Variants in WDR72 observed in about 807,000 individuals in gnomAD.
The protein encoded by WDR72 is WD repeat-containing protein 72.
In WDR72, 120 loss-of-function variants were observed where a neutral mutation model predicts 124.2. That is an observed-to-expected ratio of 0.97 (90% CI 0.83 to 1.12). WDR72 has a LOEUF of 1.12. Ranked by LOEUF, WDR72 falls within the 50% of genes most tolerant of loss-of-function variation. The pLI is 0.00. For synonymous variants in WDR72, 452 were observed against 441.7 expected, an observed-to-expected ratio of 1.02 and a Z score of -0.29; for missense variants, 1,387 against 1,278.8, an observed-to-expected ratio of 1.08 and a Z score of -1.29.
chr15:53,559,196 A>T (rs1894041415), intron 18 of WDR72, among the ~76,000 whole-genome samples: 1 of 151,340 alleles, frequency 6.6e-6, no homozygotes, highest in African/African-American at 2.4e-5. Context: ...GGAAACATGG[A>T]TTTTGCTACT....
At chr15:53,618,282 T>C (rs2013849235) in intron 14 of WDR72, among the ~76,000 whole-genome samples, 1 of 151,994 alleles carries the variant, frequency 6.6e-6, no homozygotes, top group African/African-American at 2.4e-5. Flanking sequence ...TTTTTGCATG[T>C]TTGCCAAACT....
chr15:53,679,306 G>A (rs796674930), intron 13 of WDR72, among the ~76,000 whole-genome samples: 6 of 152,218 alleles, frequency 3.9e-5, no homozygotes, highest in African/African-American at 1.4e-4. Flanking sequence ...AGCTTAAAAT[G>A]GTAAATTCTA....
chr15:53,626,747 C>T (rs1190478310), intron 14 of WDR72, among the ~76,000 whole-genome samples: 3 of 152,108 alleles, frequency 2.0e-5, no homozygotes, highest in Non-Finnish European at 4.4e-5. Context: ...TCTGATTGGT[C>T]GGGTGTGAGC....
At chr15:53,540,666 C>T (rs544175111) in intron 18 of WDR72, among the ~76,000 whole-genome samples, 1 of 151,996 alleles carries the variant, frequency 6.6e-6, no homozygotes, top group Admixed American at 6.6e-5. Context: ...ACGAACAGCT[C>T]CGGTCTACAG....
At chr15:53,727,774 T>G (rs2018084913) in intron 2 of WDR72, among the ~76,000 whole-genome samples, 1 of 152,220 alleles carries the variant, frequency 6.6e-6, no homozygotes, top group Non-Finnish European at 1.5e-5. Flanking sequence ...AAGTCCTCAT[T>G]CTATTACTAA....
chr15:53,706,342 G>GTGTGTATATATATATATATATATATA (rs1281985139), intron 9 of WDR72, among the ~76,000 whole-genome samples: 1 of 45,586 alleles, frequency 2.2e-5, no homozygotes, highest in African/African-American at 9.9e-5. Context: ...GTGTGTGTGT[G>GTGTGTATATATATATATATATATATA]TGTGTGTGTA....
chr15:53,714,181 C>CCG (rs2017636648), intron 6 of WDR72, among the ~76,000 whole-genome samples: 1 of 150,334 alleles, frequency 6.7e-6, no homozygotes, highest in Non-Finnish European at 1.5e-5. Flanking sequence ...TGTAATCTTT[C>CCG]TGTGTGTGTG....
intron 18 of WDR72, among the ~76,000 whole-genome samples, chr15:53,554,837 G>T (rs567819928): frequency 6.6e-6 from 1 of 152,178 alleles, no homozygotes; most frequent in East Asian, 1.9e-4. Flanking sequence ...TAGAATATAT[G>T]TAGTTTTGTG....
chr15:53,664,573 T>C (rs552255522), intron 14 of WDR72, among the ~76,000 whole-genome samples: 18 of 152,238 alleles, frequency 1.2e-4, no homozygotes, highest in East Asian at 7.7e-4. Context: ...TAAGTCCTTA[T>C]TAATAGTATA....
chr15:53,710,779 T>G, intron 9 of WDR72, 78 bp downstream of exon 9: 1 of 1,216,746 alleles, frequency 8.2e-7, no homozygotes, highest in Non-Finnish European at 1.2e-6. Context: ...CAAGCCTGAT[T>G]CTGTGACAGA....
chr15:53,741,299 A>G (rs1170539772), intron 1 of WDR72, among the ~76,000 whole-genome samples: 1 of 152,246 alleles, frequency 6.6e-6, no homozygotes, highest in African/African-American at 2.4e-5. Context: ...CTTTATAGCC[A>G]CAGGATTCCT....
At chr15:53,643,969 G>A (rs935953456) in intron 14 of WDR72, among the ~76,000 whole-genome samples, 2 of 151,992 alleles carry the variant, frequency 1.3e-5, no homozygotes, top group Non-Finnish European at 2.9e-5. Context: ...TATACACTGA[G>A]CCCTCAGTTA....
At chr15:53,754,270 C>T (rs1273338051) in intron 1 of WDR72, among the ~76,000 whole-genome samples, 8 of 152,038 alleles carry the variant, frequency 5.3e-5, no homozygotes, top group African/African-American at 7.2e-5. Flanking sequence ...AAAAGCTCAT[C>T]GTAACACTAG....
At chr15:53,617,132 T>A (rs1230184688) in intron 14 of WDR72, among the ~76,000 whole-genome samples, 2 of 151,918 alleles carry the variant, frequency 1.3e-5, no homozygotes. Flanking sequence ...GTGGTGTAAA[T>A]TATATCGATC....
chr15:53,762,190 A>G (rs1444605637), upstream of WDR72, among the ~76,000 whole-genome samples: 3 of 152,172 alleles, frequency 2.0e-5, no homozygotes, highest in Non-Finnish European at 4.4e-5. Flanking sequence ...AGGCCCAAGT[A>G]AGATCACAGG....
At chr15:53,575,184 A>C (rs1894706033) in intron 18 of WDR72, among the ~76,000 whole-genome samples, 1 of 152,058 alleles carries the variant, frequency 6.6e-6, no homozygotes, top group Non-Finnish European at 1.5e-5. Context: ...TATGTTCCGA[A>C]CTCAACATAA....
chr15:53,645,303 T>C (rs936957189), intron 14 of WDR72, among the ~76,000 whole-genome samples: 2 of 152,158 alleles, frequency 1.3e-5, no homozygotes, highest in African/African-American at 2.4e-5. Flanking sequence ...ATAAACGAAA[T>C]TGTGTTTCAG....
intron 14 of WDR72, among the ~76,000 whole-genome samples, chr15:53,650,043 G>C (rs2015176643): frequency 6.6e-6 from 1 of 152,098 alleles, no homozygotes; most frequent in Non-Finnish European, 1.5e-5. Flanking sequence ...TAATCTAAAA[G>C]TTCATTAGCA....
At chr15:53,521,002 T>C (rs1891763401) in intron 19 of WDR72, among the ~76,000 whole-genome samples, 1 of 152,048 alleles carries the variant, frequency 6.6e-6, no homozygotes, top group Non-Finnish European at 1.5e-5. Context: ...GAGCAATAAA[T>C]AATTCATGTC....
Sources: gnomAD v4.1 joint callset for allele counts (sites outside exome capture counted in the v4.1 genomes callset) on GRCh38, gnomAD v4.1.1 for gene constraint, MANE v1.5 for transcripts, NCBI Gene and HGNC (gene_info 2026-07-23, HGNC 2026-07-21) for gene names.